AMOTL1: variants seen among roughly 807,000 people sequenced by gnomAD.
AMOTL1 encodes the protein angiomotin-like protein 1.
AMOTL1 carries 45 observed loss-of-function variants against 102.9 expected under a neutral mutation model. That is an observed-to-expected ratio of 0.44 (90% CI 0.34 to 0.56). AMOTL1 has a LOEUF of 0.56. Ranked by LOEUF, AMOTL1 falls within the 20% of genes least tolerant of loss-of-function variation. The probability of loss-of-function intolerance (pLI) is 0.01; values close to 1 mark genes in which losing one functional copy is unlikely to be tolerated. For synonymous variants in AMOTL1, 481 were observed against 484.7 expected, an observed-to-expected ratio of 0.99 and a Z score of 0.10; for missense variants, 1,114 against 1,225.6, an observed-to-expected ratio of 0.91 and a Z score of 1.36.
chr11:94,776,336 A>G (rs1951025379), intron 1 of AMOTL1, among the ~76,000 whole-genome samples: 1 of 152,126 alleles, frequency 6.6e-6, no homozygotes, highest in Non-Finnish European at 1.5e-5. Context: ...CTTCTTGCAT[A>G]CTTTCCCTTC....
intron 2 of AMOTL1, among the ~76,000 whole-genome samples, chr11:94,737,679 G>C (rs1401426753): frequency 6.6e-6 from 1 of 152,210 alleles, no homozygotes; most frequent in Non-Finnish European, 1.5e-5. Context: ...TTGATTCTAT[G>C]GGAAACCAGA....
intron 4 of AMOTL1, 131 bp downstream of exon 4, chr11:94,821,952 G>A (rs749268596): frequency 2.8e-5 from 35 of 1,233,862 alleles, no homozygotes; most frequent in Non-Finnish European, 3.3e-5. Flanking sequence ...AGGCTTTAGG[G>A]AGATGAAAAT....
At chr11:94,772,199 G>C (rs1950962253) in intron 1 of AMOTL1, among the ~76,000 whole-genome samples, 1 of 152,090 alleles carries the variant, frequency 6.6e-6, no homozygotes, top group African/African-American at 2.4e-5. Flanking sequence ...AGCATATTCA[G>C]ATTTCACCAG....
chr11:94,798,799 A>T (rs1165740130), intron 2 of AMOTL1, among the ~76,000 whole-genome samples: 1 of 152,154 alleles, frequency 6.6e-6, no homozygotes, highest in Non-Finnish European at 1.5e-5. Context: ...GCATTGCAGG[A>T]AGAGGGTAAC....
At chr11:94,810,813 T>C (rs1182377139) in intron 3 of AMOTL1, among the ~76,000 whole-genome samples, 2 of 137,082 alleles carry the variant, frequency 1.5e-5, no homozygotes, top group Non-Finnish European at 1.5e-5. Context: ...AGAAAGATCC[T>C]AGGAGAGAAA....
intron 10 of AMOTL1, among the ~76,000 whole-genome samples, 174 bp from the exon 11 acceptor site, chr11:94,865,768 T>A (rs1048942812): frequency 3.3e-5 from 5 of 152,320 alleles, no homozygotes; most frequent in African/African-American, 1.2e-4. Context: ...TTTTGACATA[T>A]GACAAAAGAC....
chr11:94,733,686 A>T (rs1950391016), intron 2 of AMOTL1, among the ~76,000 whole-genome samples: 1 of 152,216 alleles, frequency 6.6e-6, no homozygotes, highest in Non-Finnish European at 1.5e-5. Flanking sequence ...TTTATCCTAC[A>T]GATTTTGTTT....
At chr11:94,777,367 G>A (rs1225002091) in intron 1 of AMOTL1, among the ~76,000 whole-genome samples, 1 of 152,148 alleles carries the variant, frequency 6.6e-6, no homozygotes, top group Non-Finnish European at 1.5e-5. Flanking sequence ...AGTTGATCCT[G>A]TATGATAGTC....
At chr11:94,786,085 T>C (rs1259672848) in intron 1 of AMOTL1, among the ~76,000 whole-genome samples, 1 of 152,214 alleles carries the variant, frequency 6.6e-6, no homozygotes. Context: ...AAATATAGGG[T>C]TTATTTATTA....
intron 3 of AMOTL1, among the ~76,000 whole-genome samples, chr11:94,747,982 A>G (rs150932747): frequency 8.3e-4 from 126 of 152,310 alleles, no homozygotes; most frequent in African/African-American, 3.0e-3. Flanking sequence ...GTCTAGTTAT[A>G]TGCCAGGAAA....
At position 94,768,449 on chromosome 11, in the gene AMOTL1, T is replaced by G. The variant is rs1285363852; in HGVS notation, c.-63T>G. 3 of 1,551,280 alleles carry G rather than the reference T, an allele frequency of 1.9e-6. No homozygotes were observed. In the African/African-American group the frequency reaches 4.1e-5, roughly 21 times the overall value. On this transcript the variant is annotated 5_prime_UTR_variant, in exon 1 of 13. Transcript: ENST00000433060. ...AATGGGGTTGATTGTCCGGCGCCAC[T>G]TCCCCGCGCTGCCCGGCAGCCGTCT...
upstream of AMOTL1, among the ~76,000 whole-genome samples, chr11:94,766,226 T>C (rs1950853465): frequency 6.6e-6 from 1 of 152,224 alleles, no homozygotes; most frequent in South Asian, 2.1e-4. Flanking sequence ...TCACCTATCA[T>C]TGCTTCCTGC....
intron 3 of AMOTL1, among the ~76,000 whole-genome samples, chr11:94,818,153 C>A (rs1951796650): frequency 6.6e-6 from 1 of 152,164 alleles, no homozygotes; most frequent in African/African-American, 2.4e-5. Context: ...TTTACCAAGG[C>A]TTTCATTGGA....
chr11:94,786,810 A>G lies in AMOTL1; in HGVS notation c.50-8201A>G, dbSNP rs114560149. Among the ~76,000 whole-genome samples the G allele has an allele frequency of 4.0e-3, 613 of 152,352 alleles. 7 individuals are homozygous for G. The highest frequency in any genetic ancestry group is 0.013 in the African/African-American group (540 of 41,570). On this transcript the variant is annotated intron_variant, in intron 1 of 12. Coordinates refer to ENST00000433060, the MANE Select transcript of AMOTL1 (RefSeq NM_130847.3). ...TAACTTTGAGCTAAGCTCTGTAGTA[A>G]GAACATGCTTATAACTAGTTATTTT... is the stretch of plus-strand genomic sequence containing the variant.
Position 94,799,937 on chromosome 11 carries a change from G to T in AMOTL1, c.747G>T (p.Ala249=). The part of the protein sequence containing the change: ...ANSGQAHKDE[A]LKELKQGHVR... ...GTGGACAGGCGCATAAGGACGAGGC[G>T]CTGAAGGAACTGAAGCAGGGCCACG... The change falls in exon 3 of 13, where the codon GCG becomes GCT. Residue 249 remains alanine, a synonymous_variant. Coordinates refer to ENST00000433060, the MANE Select transcript of AMOTL1 (RefSeq NM_130847.3). The surrounding 1 kb of genome is among the most constrained non-coding windows in gnomAD (Gnocchi z 4.5). The T allele has an allele frequency of 1.2e-6, 2 of 1,613,444 alleles. No individual in the cohort carries two copies. The highest frequency in any genetic ancestry group is 1.1e-5 in the South Asian group (1 of 90,968).
intron 1 of AMOTL1, among the ~76,000 whole-genome samples, chr11:94,772,918 C>T (rs956401314): frequency 6.6e-6 from 1 of 152,200 alleles, no homozygotes; most frequent in Non-Finnish European, 1.5e-5. Context: ...CTAGTAGGTG[C>T]TCTAATCTTA....
chr11:94,814,859 G>A (rs1951739504), intron 3 of AMOTL1, among the ~76,000 whole-genome samples: 1 of 152,188 alleles, frequency 6.6e-6, no homozygotes, highest in African/African-American at 2.4e-5. Flanking sequence ...CTGATACATA[G>A]TAAGCACTGC....
At chr11:94,869,144 T>A (rs1952941850) in intron 11 of AMOTL1, 54 bp from the exon 12 acceptor site, 60 of 1,238,532 alleles carry the variant, frequency 4.8e-5, no homozygotes, top group Non-Finnish European at 5.8e-5. Context: ...AGACTAGATT[T>A]AAAAAAAAAA....
intron 2 of AMOTL1, among the ~76,000 whole-genome samples, chr11:94,732,483 G>A (rs1358125695): frequency 6.6e-6 from 1 of 152,004 alleles, no homozygotes; most frequent in Non-Finnish European, 1.5e-5. Context: ...TGGGCCACTG[G>A]GTTTTCAAAC....
Sources: gnomAD v4.1 joint callset for allele counts (sites outside exome capture counted in the v4.1 genomes callset) on GRCh38, gnomAD v4.1.1 for gene constraint, Gnocchi (gnomAD v3.1) non-coding constraint, MANE v1.5 for transcripts, NCBI Gene and HGNC (gene_info 2026-07-23, HGNC 2026-07-21) for gene names.